Variants in ACYP2 observed in about 807,000 individuals in gnomAD.
ACYP2 encodes the protein acylphosphatase 2.
In ACYP2, 12 loss-of-function variants were observed where a neutral mutation model predicts 11.2. The observed-to-expected ratio is 1.08, with a 90% CI of 0.69 to 1.74. The LOEUF (loss-of-function observed/expected upper bound fraction) is 1.74. Ranked by LOEUF, ACYP2 falls within the 40% of genes most tolerant of loss-of-function variation. The pLI is 0.00. For missense variants in ACYP2, 134 were observed against 101.9 expected (o/e 1.31, Z -1.35); for synonymous variants, 43 against 32.2 (o/e 1.33, Z -1.13).
intron 4 of ACYP2, among the ~76,000 whole-genome samples, chr2:54,111,673 G>T (rs1418386995): frequency 6.6e-6 from 1 of 152,190 alleles, no homozygotes; most frequent in African/African-American, 2.4e-5. Flanking sequence ...TAATAATTAA[G>T]CATTTATTTT....
chr2:54,038,709 A>ATATG (rs1264799033), intron 2 of ACYP2, among the ~76,000 whole-genome samples: 1 of 141,012 alleles, frequency 7.1e-6, no homozygotes, highest in Non-Finnish European at 1.5e-5. Flanking sequence ...ATATATATAT[A>ATATG]TATACTCTTC....
At chr2:54,039,892 G>A (rs1675134339) in intron 2 of ACYP2, among the ~76,000 whole-genome samples, 1 of 146,782 alleles carries the variant, frequency 6.8e-6, no homozygotes, top group South Asian at 2.2e-4. Flanking sequence ...GTCTTGCTCT[G>A]TTGCCCAGGC....
chr2:54,086,327 G>A (rs1677945669), intron 4 of ACYP2, among the ~76,000 whole-genome samples: 1 of 152,138 alleles, frequency 6.6e-6, no homozygotes, highest in Non-Finnish European at 1.5e-5. Context: ...GTCAGTTATT[G>A]ATTAGTTCAG....
chr2:54,045,264 A>T (rs546121159), intron 2 of ACYP2, among the ~76,000 whole-genome samples: 8 of 152,172 alleles, frequency 5.3e-5, no homozygotes, highest in African/African-American at 1.9e-4. Context: ...GATCCCCTTA[A>T]AAACCCCAGC....
intron 2 of ACYP2, among the ~76,000 whole-genome samples, chr2:54,002,644 C>CATTTT (rs1165779970): frequency 7.0e-6 from 1 of 143,424 alleles, no homozygotes; most frequent in South Asian, 2.2e-4. Flanking sequence ...CATGCCTGGC[C>CATTTT]ATTTTATTTT....
chr2:54,014,299 T>C (rs1328394291), intron 2 of ACYP2, among the ~76,000 whole-genome samples: 2 of 152,064 alleles, frequency 1.3e-5, no homozygotes, highest in Non-Finnish European at 2.9e-5. Flanking sequence ...GTCAGGATTA[T>C]CTTCACTTTA....
intron 6 of ACYP2, among the ~76,000 whole-genome samples, chr2:54,203,784 A>C (rs1346854610): frequency 6.7e-6 from 1 of 150,246 alleles, no homozygotes; most frequent in Non-Finnish European, 1.5e-5. Flanking sequence ...TCAAAACTGG[A>C]ATACTCTTCT....
chr2:54,176,777 A>G (rs1012569415), intron 6 of ACYP2, among the ~76,000 whole-genome samples: 4 of 152,136 alleles, frequency 2.6e-5, no homozygotes, highest in African/African-American at 9.7e-5. Context: ...TCAGGGGGGC[A>G]GCCTGCATCC....
At chr2:54,059,257 T>C (rs1325172234) in intron 4 of ACYP2, among the ~76,000 whole-genome samples, 8 of 152,210 alleles carry the variant, frequency 5.3e-5, no homozygotes, top group African/African-American at 1.9e-4. Context: ...TTGCTCTTGT[T>C]GCCCGGGCTG....
At chr2:54,131,299 C>CT (rs1254046788) in intron 4 of ACYP2, among the ~76,000 whole-genome samples, 1 of 152,186 alleles carries the variant, frequency 6.6e-6, no homozygotes, top group Non-Finnish European at 1.5e-5. Flanking sequence ...TTTGATTCCA[C>CT]TTTAAAAATT....
intron 4 of ACYP2, among the ~76,000 whole-genome samples, chr2:54,095,526 C>T (rs1212042047): frequency 4.7e-5 from 7 of 149,732 alleles, no homozygotes; most frequent in African/African-American, 1.5e-4. Flanking sequence ...GACCCCCCCA[C>T]CTCCCTCCCG....
chr2:53,973,444 G>A (rs999752446), intron 1 of ACYP2, among the ~76,000 whole-genome samples: 1 of 152,252 alleles, frequency 6.6e-6, no homozygotes, highest in Non-Finnish European at 1.5e-5. Flanking sequence ...AGTGAAAATA[G>A]CCTTAACTGA....
intron 6 of ACYP2, among the ~76,000 whole-genome samples, chr2:54,147,706 G>A (rs1038316359): frequency 5.9e-5 from 9 of 151,990 alleles, no homozygotes; most frequent in South Asian, 2.1e-4. Context: ...TTAATTTTTT[G>A]TAGAGACAGG....
At chr2:54,287,746 T>C (rs1007545364) in intron 6 of ACYP2, among the ~76,000 whole-genome samples, 1 of 152,000 alleles carries the variant, frequency 6.6e-6, no homozygotes, top group African/African-American at 2.4e-5. Context: ...CTGCCAGACT[T>C]GTAAGTGATT....
At chr2:53,988,769 A>G (rs1672143201) in intron 2 of ACYP2, among the ~76,000 whole-genome samples, 1 of 151,098 alleles carries the variant, frequency 6.6e-6, no homozygotes, top group Non-Finnish European at 1.5e-5. Context: ...TTTTTGAGAC[A>G]GAGTCTCACT....
chr2:54,131,238 A>G (rs1467944248), intron 4 of ACYP2, among the ~76,000 whole-genome samples: 1 of 152,258 alleles, frequency 6.6e-6, no homozygotes, highest in Non-Finnish European at 1.5e-5. Flanking sequence ...ACATCAATAG[A>G]TTGGAGCAGG....
intron 4 of ACYP2, among the ~76,000 whole-genome samples, chr2:54,075,916 A>G (rs1677315857): frequency 6.6e-6 from 1 of 152,164 alleles, no homozygotes; most frequent in Non-Finnish European, 1.5e-5. Flanking sequence ...TATGTCACTC[A>G]TATTGATATT....
At chr2:54,224,708 G>A (rs777461619) in intron 6 of ACYP2, among the ~76,000 whole-genome samples, 1 of 99,958 alleles carries the variant, frequency 1.0e-5, no homozygotes, top group South Asian at 3.8e-4. Flanking sequence ...GGGTTTCACC[G>A]GGTACCAGCC....
At chr2:54,118,180 T>C (rs1679926783) in intron 4 of ACYP2, among the ~76,000 whole-genome samples, 1 of 152,228 alleles carries the variant, frequency 6.6e-6, no homozygotes, top group Non-Finnish European at 1.5e-5. Context: ...CCCTGAACAT[T>C]ATGCATGGAT....
Sources: gnomAD v4.1 joint callset for allele counts (sites outside exome capture counted in the v4.1 genomes callset) on GRCh38, gnomAD v4.1.1 for gene constraint, MANE v1.5 for transcripts, NCBI Gene and HGNC (gene_info 2026-07-23, HGNC 2026-07-21) for gene names.